The following LIMA1 variants were observed in gnomAD, a reference collection of about 807,000 sequenced individuals.
The protein encoded by LIMA1 is LIM domain and actin-binding protein 1.
Under a neutral mutation model 62.6 loss-of-function variants are expected in LIMA1, and 52 were observed. The ratio of observed to expected loss-of-function variants is 0.83; its 90% CI spans 0.67 to 1.05. LIMA1 has a LOEUF of 1.05. Among genes scored for constraint, LIMA1 ranks in the 50% least tolerant of loss-of-function variants. The pLI is 0.00. For synonymous variants in LIMA1, 302 were observed against 317.8 expected, an observed-to-expected ratio of 0.95 and a Z score of 0.53; for missense variants, 780 against 902.2, an observed-to-expected ratio of 0.86 and a Z score of 1.74.
Position 50,195,755 on chromosome 12 carries a change from A to G in LIMA1, c.1030+75T>C, listed in dbSNP as rs2138445704. 1.1e-5 allele frequency: 16 copies of G among 1,418,236 alleles called. No homozygotes were observed. In the South Asian group the frequency reaches 2.1e-4, roughly 18 times the overall value. The allele number at this position is 1,418,236 out of a possible 1,614,324, so 87.9% of individuals were successfully genotyped here. ...ATGTTATTTTCTCAGCACTGACAGTAATGGGAACACCCCTGAACCAAATAC... is the reference window on the plus strand; with the variant it reads ...ATGTTATTTTCTCAGCACTGACAGTGATGGGAACACCCCTGAACCAAATAC... On this transcript the variant is annotated intron_variant, in intron 8 of 10. Transcript: ENST00000341247.
chr12:50,212,690 A>C (rs1016228311), intron 4 of LIMA1, among the ~76,000 whole-genome samples: 4 of 152,208 alleles, frequency 2.6e-5, no homozygotes, highest in Admixed American at 2.6e-4. Flanking sequence ...GCTTTGGGGA[A>C]TGTGTCCTTA....
chr12:50,197,405 A>G (rs1160237035), intron 7 of LIMA1, among the ~76,000 whole-genome samples: 5 of 152,056 alleles, frequency 3.3e-5, no homozygotes, highest in African/African-American at 1.2e-4. Flanking sequence ...GCTGAAGTTC[A>G]AATAACACTT....
chr12:50,199,142 C>A (rs1016195966), intron 7 of LIMA1, among the ~76,000 whole-genome samples: 1 of 152,120 alleles, frequency 6.6e-6, no homozygotes, highest in Non-Finnish European at 1.5e-5. Flanking sequence ...CCAGCCTGGC[C>A]AACATGGTGA....
intron 1 of LIMA1, among the ~76,000 whole-genome samples, chr12:50,279,979 G>T (rs565170358): frequency 3.3e-5 from 5 of 152,134 alleles, no homozygotes; most frequent in Non-Finnish European, 2.9e-5. Context: ...GCAATACTTT[G>T]TGCAAGACAA....
chr12:50,180,175 C>G (rs1345125266), intron 10 of LIMA1, among the ~76,000 whole-genome samples: 2 of 152,006 alleles, frequency 1.3e-5, no homozygotes, highest in Non-Finnish European at 2.9e-5. Context: ...TTGCACACGC[C>G]TGTAGTCCCA....
At position 50,217,651 on chromosome 12, in the gene LIMA1, G is replaced by A. The variant is rs560208792; in HGVS notation, c.630+4370C>T. 1.2e-3 allele frequency: 255 copies of A among 208,912 alleles called. 4 individuals are homozygous for A. The Middle Eastern group carries it at 0.014, about 11-fold the overall frequency. 12.9% of individuals were successfully genotyped at this position (208,912 alleles called of 1,614,324 possible). The stretch of plus-strand genomic sequence containing the variant: ...TGGGGTGGAGGTGTTCGGTCCTTGC[G>A]GGCTTCATGACCTTGATTTCTGGCG... On this transcript the variant is annotated intron_variant, in intron 4 of 10. Coordinates refer to ENST00000341247, the MANE Select transcript of LIMA1 (RefSeq NM_016357.5).
intron 1 of LIMA1, among the ~76,000 whole-genome samples, chr12:50,261,042 A>ATTTTTTTTT (rs71083524): frequency 0.017 from 947 of 54,246 alleles, 179 homozygotes; most frequent in East Asian, 0.071. Flanking sequence ...CATCTAGTAT[A>ATTTTTTTTT]TTTTTTTTTT....
intron 7 of LIMA1, 132 bp downstream of exon 7, chr12:50,200,645 C>T: frequency 1.1e-6 from 1 of 950,202 alleles, no homozygotes; most frequent in Non-Finnish European, 1.6e-6. Context: ...GCAAAAATGG[C>T]AATCTGTCCT....
At chr12:50,280,144 ATTTTTTTTTTTTTTTTT>A (rs71441354) in intron 1 of LIMA1, among the ~76,000 whole-genome samples, 2 of 68,266 alleles carry the variant, frequency 2.9e-5, no homozygotes, top group African/African-American at 6.0e-5. Flanking sequence ...GGGTAGTAGT[ATTTTTTTTTTTTTTTTT>A]TTTTTTTTTT....
intron 8 of LIMA1, among the ~76,000 whole-genome samples, chr12:50,192,864 G>T (rs1940808865): frequency 6.6e-6 from 1 of 152,098 alleles, no homozygotes; most frequent in African/African-American, 2.4e-5. Context: ...ATTTTTAAAG[G>T]CCGTTTATAG....
chr12:50,249,326 A>G (rs763109103), intron 1 of LIMA1, among the ~76,000 whole-genome samples: 16 of 152,228 alleles, frequency 1.1e-4, no homozygotes, highest in Non-Finnish European at 1.9e-4. Flanking sequence ...CATATTATGT[A>G]ATATTTTCCA....
intron 1 of LIMA1, among the ~76,000 whole-genome samples, chr12:50,274,933 G>A (rs1254768692): frequency 6.6e-6 from 1 of 152,178 alleles, no homozygotes; most frequent in African/African-American, 2.4e-5. Flanking sequence ...ACACAGAGAT[G>A]AGTAGTAGTC....
In LIMA1 at chr12:50,206,041, T is replaced by C; in HGVS notation, c.658A>G (p.Ser220Gly). The change falls in exon 5 of 11, where the codon AGT (serine) becomes GGT (glycine). Residue 220 changes from serine to glycine, a missense_variant. By Grantham distance (56) the Ser-to-Gly change is moderately conservative. Coordinates refer to ENST00000341247, the MANE Select transcript of LIMA1 (RefSeq NM_016357.5). The stretch of plus-strand genomic sequence containing the variant: ...CTGTTTTCAGAGATCTTCCTTCCAC[T>C]TGCACTTCGGCTTTGGGCCCGGAGA... ...KILRAQSRSA[S>G]GRKISENSYS... 1 of 1,613,110 alleles carries C rather than the reference T, an allele frequency of 6.2e-7. No individual in the cohort carries two copies. The highest frequency in any genetic ancestry group is 8.5e-7 in the Non-Finnish European group (1 of 1,179,336).
chr12:50,192,359 C>A, intron 9 of LIMA1, 93 bp downstream of exon 9: 1 of 933,688 alleles, frequency 1.1e-6, no homozygotes. Context: ...GAAAGCAAAA[C>A]CAGGTTATAA....
Position 50,222,396 on chromosome 12 carries a change from A to G in LIMA1, c.255T>C (p.Ser85=), listed in dbSNP as rs1351886082. The part of the protein sequence containing the change: ...KWENPGLGAE[S]HTDSLRNSST... ...TGCTGTTCCGTAGAGAGTCTGTGTG[A>G]GACTCTGCTCCCAGCCCTGGGTTCT... is the stretch of plus-strand genomic sequence containing the variant. Residue 85 remains serine (S), a synonymous_variant, in exon 4 of 11, where the codon TCT becomes TCC. Transcript: ENST00000341247. The G allele has an allele frequency of 6.2e-7, 1 of 1,614,174 alleles. No individual in the cohort carries two copies. Among genetic ancestry groups the G allele is most frequent in the East Asian group, 2.2e-5 (1 of 44,890 alleles).
intron 9 of LIMA1, chr12:50,187,981 C>T (rs1438272797): frequency 2.6e-5 from 4 of 152,176 alleles, no homozygotes; most frequent in African/African-American, 7.2e-5. Context: ...CTCACAGGGT[C>T]CACTAAGCTC....
At chr12:50,248,275 TC>T (rs1334800714) in intron 2 of LIMA1, among the ~76,000 whole-genome samples, 1 of 152,206 alleles carries the variant, frequency 6.6e-6, no homozygotes, top group African/African-American at 2.4e-5. Context: ...CAGAAAGCCT[TC>T]CTGATGAGCT....
chr12:50,182,135 G>A, intron 9 of LIMA1, 98 bp from the exon 10 acceptor site: 2 of 1,360,080 alleles, frequency 1.5e-6, no homozygotes, highest in Non-Finnish European at 1.0e-6. Flanking sequence ...GGCTCCCTTA[G>A]CTGGTCAGTC....
intron 1 of LIMA1, among the ~76,000 whole-genome samples, chr12:50,256,855 T>C (rs182727575): frequency 3.0e-4 from 45 of 152,290 alleles, no homozygotes; most frequent in Admixed American, 1.9e-3. Flanking sequence ...TCAGATTAGA[T>C]TGAGATTATA....
Sources: gnomAD v4.1 joint callset for allele counts (sites outside exome capture counted in the v4.1 genomes callset) on GRCh38, gnomAD v4.1.1 for gene constraint, MANE v1.5 for transcripts, NCBI Gene and HGNC (gene_info 2026-07-23, HGNC 2026-07-21) for gene names.